LRP1B: variants seen among roughly 807,000 people sequenced by gnomAD.
LRP1B encodes the protein low-density lipoprotein receptor-related protein 1B.
LRP1B carries 217 observed loss-of-function variants against 556.6 expected under a neutral mutation model. The observed-to-expected ratio is 0.39, with a 90% CI of 0.35 to 0.44. The LOEUF (loss-of-function observed/expected upper bound fraction) is 0.44, where lower values mean the gene tolerates loss of function less well. LRP1B is among the 20% of genes least tolerant of loss of function. The pLI, the probability that LRP1B is intolerant of heterozygous loss-of-function variation, is 1.00. For missense variants in LRP1B, 5,053 were observed against 5,620.8 expected (o/e 0.90, Z 3.23); for synonymous variants, 2,047 against 1,865.8 (o/e 1.10, Z -2.50).
intron 15 of LRP1B, among the ~76,000 whole-genome samples, chr2:140,997,637 AAAAAT>A (rs530282489): frequency 7.0e-4 from 107 of 152,120 alleles, no homozygotes; most frequent in African/African-American, 2.4e-3. Flanking sequence ...CTGGAACAAA[AAAAAT>A]AAAATAAAAT....
chr2:141,297,831 T>TA (rs1263438478), intron 3 of LRP1B, among the ~76,000 whole-genome samples: 4 of 152,196 alleles, frequency 2.6e-5, no homozygotes, highest in African/African-American at 9.6e-5. Context: ...CACAAACACT[T>TA]ACCATTGTGT....
intron 15 of LRP1B, among the ~76,000 whole-genome samples, chr2:140,999,454 G>A (rs1245245491): frequency 6.6e-6 from 1 of 151,954 alleles, no homozygotes; most frequent in Non-Finnish European, 1.5e-5. Context: ...CTTTCACCAG[G>A]TGTAAAATCA....
intron 76 of LRP1B, among the ~76,000 whole-genome samples, chr2:140,351,948 G>A (rs1352242933): frequency 6.6e-6 from 1 of 152,012 alleles, no homozygotes; most frequent in East Asian, 1.9e-4. Context: ...CAGTCTAAAA[G>A]GTGCTGTGCT....
chr2:141,677,498 AT>A (rs914043787), intron 2 of LRP1B, among the ~76,000 whole-genome samples: 12 of 151,162 alleles, frequency 7.9e-5, no homozygotes, highest in African/African-American at 2.4e-4. Context: ...GTATATATAT[AT>A]TTTTTTTTGA....
intron 2 of LRP1B, among the ~76,000 whole-genome samples, chr2:141,711,751 T>C (rs1205255009): frequency 2.0e-5 from 3 of 152,160 alleles, no homozygotes; most frequent in Non-Finnish European, 2.9e-5. Context: ...CTGATTTCCC[T>C]TTGGATCTTC....
intron 86 of LRP1B, among the ~76,000 whole-genome samples, chr2:140,252,102 A>AAACCC (rs1681462578): frequency 6.8e-6 from 1 of 146,962 alleles, no homozygotes; most frequent in African/African-American, 2.5e-5. Context: ...CAAAAAACAA[A>AAACCC]AAAAAACAGA....
chr2:140,758,919 T>A (rs1360066871), intron 35 of LRP1B, among the ~76,000 whole-genome samples: 8 of 152,106 alleles, frequency 5.3e-5, no homozygotes. Flanking sequence ...ATCCTCTTAT[T>A]CAGTATTTAG....
chr2:140,489,155 A>C (rs1688597220), intron 57 of LRP1B, among the ~76,000 whole-genome samples: 1 of 152,032 alleles, frequency 6.6e-6, no homozygotes, highest in Non-Finnish European at 1.5e-5. Context: ...TTCTCACAGC[A>C]GGGCTAAATT....
At chr2:141,049,656 C>A (rs1425145676) in intron 10 of LRP1B, among the ~76,000 whole-genome samples, 1 of 152,058 alleles carries the variant, frequency 6.6e-6, no homozygotes, top group Non-Finnish European at 1.5e-5. Flanking sequence ...ACACCAACCC[C>A]AAGTTTGCAT....
At chr2:140,267,116 CAT>C (rs1463984184) in intron 86 of LRP1B, among the ~76,000 whole-genome samples, 1 of 151,992 alleles carries the variant, frequency 6.6e-6, no homozygotes, top group East Asian at 1.9e-4. Context: ...TAACTTCACA[CAT>C]AAAATATGTG....
At chr2:141,744,708 C>T (rs934654670) in intron 2 of LRP1B, among the ~76,000 whole-genome samples, 5 of 152,044 alleles carry the variant, frequency 3.3e-5, no homozygotes, top group Non-Finnish European at 2.9e-5. Context: ...TTATTTAGTT[C>T]GTTTGGTGAG....
chr2:141,943,649 A>C (rs1020052662), intron 1 of LRP1B, among the ~76,000 whole-genome samples: 1 of 152,152 alleles, frequency 6.6e-6, no homozygotes, highest in Non-Finnish European at 1.5e-5. Flanking sequence ...CTAGAGGAAA[A>C]ACATCTATTA....
At chr2:141,642,643 TATG>T (rs1689379034) in intron 2 of LRP1B, among the ~76,000 whole-genome samples, 1 of 152,046 alleles carries the variant, frequency 6.6e-6, no homozygotes, top group Non-Finnish European at 1.5e-5. Context: ...TCAGGGAGGA[TATG>T]AAGAAGAAGA....
chr2:140,356,355 G>A lies in LRP1B; in HGVS notation c.11517C>T (p.Asn3839=), dbSNP rs185628679. The A allele has an allele frequency of 6.2e-7, 1 of 1,610,642 alleles. No homozygotes were observed. The highest frequency in any genetic ancestry group is 1.3e-5 in the African/African-American group (1 of 74,724). The change falls in exon 75 of 91, where the codon AAC becomes AAT. Residue 3839 remains asparagine (N), a synonymous_variant. Coordinates refer to ENST00000389484, the MANE Select transcript of LRP1B (RefSeq NM_018557.3). ...AAAGTACTCTACCTTCACATTGTCT[G>A]TTTTTCATGTTTCTCTGAAATCCAG... ...CKPGFQRNMK[N]RQCEDLNECL...
intron 2 of LRP1B, among the ~76,000 whole-genome samples, chr2:141,504,548 C>T (rs1683850589): frequency 6.6e-6 from 1 of 152,032 alleles, no homozygotes; most frequent in Non-Finnish European, 1.5e-5. Flanking sequence ...AAGTTTAAGT[C>T]AGTAAATAAG....
At chr2:141,351,577 G>T (rs929906533) in intron 3 of LRP1B, among the ~76,000 whole-genome samples, 2 of 151,904 alleles carry the variant, frequency 1.3e-5, no homozygotes, top group African/African-American at 4.8e-5. Context: ...CAATTATTCA[G>T]TCATTCATGT....
At chr2:141,338,093 C>A (rs945437140) in intron 3 of LRP1B, among the ~76,000 whole-genome samples, 2 of 152,186 alleles carry the variant, frequency 1.3e-5, no homozygotes, top group African/African-American at 4.8e-5. Flanking sequence ...CACTTTGAAG[C>A]CTTTGAAATG....
chr2:140,704,076 A>G (rs1025949428), intron 37 of LRP1B, among the ~76,000 whole-genome samples: 4 of 152,112 alleles, frequency 2.6e-5, no homozygotes, highest in Admixed American at 1.3e-4. Flanking sequence ...AAAATCTCCA[A>G]ACTGCTTTCC....
chr2:141,157,165 C>A (rs1365072198), intron 7 of LRP1B, among the ~76,000 whole-genome samples: 1 of 151,886 alleles, frequency 6.6e-6, no homozygotes, highest in Non-Finnish European at 1.5e-5. Flanking sequence ...AACAGGATAT[C>A]AATTTTTATT....
Sources: allele counts gnomAD v4.1 joint callset (sites outside exome capture counted in the v4.1 genomes callset), GRCh38; gene constraint gnomAD v4.1.1; transcripts MANE v1.5; gene names NCBI Gene and HGNC (gene_info 2026-07-23, HGNC 2026-07-21).